Variants in CHM observed in about 807,000 individuals in gnomAD.
CHM encodes the protein rab proteins geranylgeranyltransferase component A 1.
In CHM, 10 loss-of-function variants were observed where a neutral mutation model predicts 49.0. The ratio of observed to expected loss-of-function variants is 0.20; its 90% CI spans 0.13 to 0.35. The LOEUF is 0.35. Ranked by LOEUF, CHM falls within the 10% of genes least tolerant of loss-of-function variation. CHM has a pLI of 1.00. For synonymous variants in CHM, 184 were observed against 167.5 expected (o/e 1.10, Z -0.76); for missense variants, 455 against 478.4 (o/e 0.95, Z 0.46).
At chrX:85,956,481 G>T in intron 7 of CHM, 103 bp from the exon 8 acceptor site, 1 of 1,034,052 alleles carries the variant, frequency 9.7e-7, no homozygotes, top group East Asian at 3.3e-5. Flanking sequence ...CCTCACAAAG[G>T]ACATAGGTGG....
At chrX:85,964,482 A>G (rs1339449051) in intron 4 of CHM, among the ~76,000 whole-genome samples, 1 of 110,666 alleles carries the variant, frequency 9.0e-6, no homozygotes, top group Non-Finnish European at 1.9e-5. Context: ...AGATAATACC[A>G]CCTACCACAA....
intron 5 of CHM, among the ~76,000 whole-genome samples, chrX:85,963,336 G>A (rs1930392733): frequency 8.9e-6 from 1 of 112,188 alleles, no homozygotes; most frequent in Non-Finnish European, 1.9e-5. Flanking sequence ...GATGGAAATT[G>A]ACTGTAAATA....
intron 8 of CHM, among the ~76,000 whole-genome samples, chrX:85,929,645 T>C (rs1271957812): frequency 8.9e-6 from 1 of 112,242 alleles, no homozygotes; most frequent in Non-Finnish European, 1.9e-5. Context: ...ACGCATAAGA[T>C]AAAACAGCCC....
At chrX:85,977,734 C>A (rs1391147471) in intron 4 of CHM, among the ~76,000 whole-genome samples, 1 of 112,245 alleles carries the variant, frequency 8.9e-6, no homozygotes, top group Non-Finnish European at 1.9e-5. Flanking sequence ...ATCTAGTGAG[C>A]TGTACCTTTT....
intron 1 of CHM, among the ~76,000 whole-genome samples, chrX:86,045,395 C>T (rs1261703823): frequency 8.9e-6 from 1 of 112,049 alleles, no homozygotes; most frequent in Non-Finnish European, 1.9e-5. Context: ...AATTTTTACA[C>T]TTTTGATGTA....
chrX:86,043,316 C>A (rs1934541775), intron 1 of CHM, among the ~76,000 whole-genome samples: 1 of 111,537 alleles, frequency 9.0e-6, no homozygotes, highest in Admixed American at 9.5e-5. Flanking sequence ...CACTATCTAG[C>A]AAGATAATCA....
In CHM at chrX:86,045,312, C is replaced by T. The variant is rs762180812; in HGVS notation, c.49+2172G>A. Among the ~76,000 whole-genome samples, 4 of 111,889 alleles carry T rather than the reference C, an allele frequency of 3.6e-5. No individual in the cohort carries two copies. In the South Asian group the frequency reaches 1.5e-3, roughly 41 times the overall value. On this transcript the variant is annotated intron_variant, in intron 1 of 14. Coordinates refer to ENST00000357749, the MANE Select transcript of CHM (RefSeq NM_000390.4). ...TCACAAGAGAAATATCCCAAGCACA[C>T]TAAAAAATAAATCAAATTAAATCAT...
chrX:85,975,070 G>A (rs1272130760), intron 4 of CHM, among the ~76,000 whole-genome samples: 1 of 110,669 alleles, frequency 9.0e-6, no homozygotes, highest in Non-Finnish European at 1.9e-5. Context: ...GTATATGGAT[G>A]GCAAATAAGA....
intron 6 of CHM, among the ~76,000 whole-genome samples, chrX:85,958,511 G>A (rs1210126141): frequency 9.0e-6 from 1 of 110,944 alleles, no homozygotes; most frequent in Non-Finnish European, 1.9e-5. Flanking sequence ...CTCCTCCTCT[G>A]TGTGGAATCT....
chrX:85,903,557 G>T (rs1926408698), intron 9 of CHM: 1 of 385,359 alleles, frequency 2.6e-6, no homozygotes, highest in African/African-American at 2.5e-5. Context: ...ACCATACCAG[G>T]AGAAGATACT....
chrX:85,867,720 T>C (rs1923786934), intron 14 of CHM, among the ~76,000 whole-genome samples: 1 of 111,783 alleles, frequency 8.9e-6, no homozygotes, highest in Non-Finnish European at 1.9e-5. Flanking sequence ...TTGGCTTCCT[T>C]ATCTATAAAA....
At chrX:86,043,623 G>T (rs779511252) in intron 1 of CHM, among the ~76,000 whole-genome samples, 1 of 110,683 alleles carries the variant, frequency 9.0e-6, no homozygotes, top group East Asian at 2.9e-4. Flanking sequence ...ACCCATTTCA[G>T]CTACTTGGGA....
At chrX:85,996,562 C>T in intron 2 of CHM, among the ~76,000 whole-genome samples, 1 of 111,685 alleles carries the variant, frequency 9.0e-6, no homozygotes, top group South Asian at 3.7e-4. Flanking sequence ...AAAAGTCAAG[C>T]TGGGAACTGG....
At chrX:85,910,084 C>T (rs1038348887) in intron 9 of CHM, among the ~76,000 whole-genome samples, 17 of 111,660 alleles carry the variant, frequency 1.5e-4, no homozygotes, top group African/African-American at 2.3e-4. Context: ...GTTTAAAATA[C>T]GTATCAATGT....
intron 12 of CHM, among the ~76,000 whole-genome samples, chrX:85,881,813 TA>T (rs989095687): frequency 3.6e-5 from 4 of 111,943 alleles, no homozygotes; most frequent in Non-Finnish European, 7.5e-5. Flanking sequence ...AAATTTTACT[TA>T]TTCTGTTTAA....
intron 1 of CHM, 108 bp downstream of exon 1, chrX:86,047,376 T>G: frequency 1.4e-6 from 1 of 713,830 alleles, no homozygotes; most frequent in Non-Finnish European, 2.2e-6. Flanking sequence ...CAGTTCTCCC[T>G]CCCACTCTCG....
chrX:85,946,589 C>G (rs1929424772), intron 8 of CHM, among the ~76,000 whole-genome samples: 1 of 112,072 alleles, frequency 8.9e-6, no homozygotes, highest in African/African-American at 3.2e-5. Context: ...AGGGGCTTGG[C>G]AGCCTCCACC....
chrX:86,013,499 C>T (rs1256188285), intron 2 of CHM, among the ~76,000 whole-genome samples: 1 of 111,000 alleles, frequency 9.0e-6, no homozygotes, highest in African/African-American at 3.3e-5. Flanking sequence ...TTTGGGTGGC[C>T]GAGACAGGCG....
chrX:85,948,596 T>C (rs1385837253), intron 8 of CHM, among the ~76,000 whole-genome samples: 1 of 112,382 alleles, frequency 8.9e-6, no homozygotes, highest in Non-Finnish European at 1.9e-5. Context: ...AATGCAAGGA[T>C]ATGACTTCCA....
Sources: allele counts gnomAD v4.1 joint callset (sites outside exome capture counted in the v4.1 genomes callset), GRCh38; gene constraint gnomAD v4.1.1; transcripts MANE v1.5; gene names NCBI Gene and HGNC (gene_info 2026-07-23, HGNC 2026-07-21).